Variants in TRPV3 observed in about 807,000 individuals in gnomAD.
TRPV3 encodes VRL-3.
In TRPV3, 88 loss-of-function variants were observed where a neutral mutation model predicts 87.1. The ratio of observed to expected loss-of-function variants is 1.01; its 90% confidence interval spans 0.85 to 1.21. The LOEUF (loss-of-function observed/expected upper bound fraction) is 1.21, where lower values mean the gene tolerates loss of function less well. Ranked by LOEUF, TRPV3 falls within the 50% of genes most tolerant of loss-of-function variation. The pLI is 0.00. For synonymous variants in TRPV3, 438 were observed against 423.3 expected (o/e 1.03, Z -0.43); for missense variants, 1,054 against 1,030.1 (o/e 1.02, Z -0.32).
intron 13 of TRPV3, 128 bp from the exon 14 acceptor site, chr17:3,521,167 C>T: frequency 2.1e-6 from 1 of 469,708 alleles, no homozygotes; most frequent in Non-Finnish European, 4.0e-6. Flanking sequence ...ACTCTCCCTT[C>T]CCCCAGCCAA....
At chr17:3,544,871 A>G (rs1032663887) in intron 3 of TRPV3, among the ~76,000 whole-genome samples, 9 of 152,060 alleles carry the variant, frequency 5.9e-5, no homozygotes, top group Non-Finnish European at 7.4e-5. Context: ...ACAACTAGCC[A>G]GGCGTGGTGG....
intron 12 of TRPV3, among the ~76,000 whole-genome samples, chr17:3,525,475 G>A (rs772730283): frequency 6.6e-6 from 1 of 152,080 alleles, no homozygotes; most frequent in Non-Finnish European, 1.5e-5. Context: ...GTTGTTTAAG[G>A]GGTATGGAGT....
rs1024079656 is a variant in TRPV3, at chr17:3,511,119, G to A, written c.*2798C>T. 1 of 152,272 alleles carries A rather than the reference G, an allele frequency of 6.6e-6. No individual in the cohort carries two copies. The highest frequency in any genetic ancestry group is 1.5e-5 in the Non-Finnish European group (1 of 68,110). The allele number at this position is 152,272 out of a possible 1,614,324, so 9.4% of individuals were successfully genotyped here. A position where few individuals can be genotyped will look rare whatever the true frequency, so the allele number is the denominator to read the frequency against. ...TGAAATGTCAATCACGGAGTTTTAG[G>A]ATGTCCTGATAGACCCACGGGTTCA... is the stretch of plus-strand genomic sequence containing the variant. On this transcript the variant is annotated 3_prime_UTR_variant, in exon 18 of 18. Transcript: ENST00000576742.
intron 2 of TRPV3, among the ~76,000 whole-genome samples, chr17:3,548,935 C>T (rs900022563): frequency 2.0e-5 from 3 of 152,148 alleles, no homozygotes; most frequent in Non-Finnish European, 4.4e-5. Context: ...CTGGGATCGT[C>T]CTCTTATGGA....
intron 2 of TRPV3, among the ~76,000 whole-genome samples, chr17:3,546,314 T>C (rs1451787586): frequency 6.6e-6 from 1 of 151,504 alleles, no homozygotes; most frequent in Non-Finnish European, 1.5e-5. Flanking sequence ...TCGTGGTGCA[T>C]GCCTGTAGTC....
chr17:3,536,867 G>A (rs538498759), intron 6 of TRPV3, among the ~76,000 whole-genome samples: 3 of 152,296 alleles, frequency 2.0e-5, no homozygotes, highest in Admixed American at 6.5e-5. Flanking sequence ...GGGACCAGAA[G>A]GCTGGAGTGG....
intron 2 of TRPV3, chr17:3,552,395 C>T (rs11078459): frequency 0.19 from 28,883 of 150,992 alleles, 3,491 homozygotes; most frequent in East Asian, 0.45. Context: ...GATTTCACCA[C>T]GTTGGCCAGG....
At chr17:3,538,932 T>A (rs1471855254) in intron 6 of TRPV3, among the ~76,000 whole-genome samples, 2 of 152,176 alleles carry the variant, frequency 1.3e-5, no homozygotes, top group African/African-American at 4.8e-5. Flanking sequence ...GATATTCCAA[T>A]TCAAAATATT....
intron 9 of TRPV3, 93 bp from the exon 10 acceptor site, chr17:3,529,088 C>A: frequency 1.4e-6 from 2 of 1,393,194 alleles, no homozygotes; most frequent in South Asian, 1.2e-5. Context: ...GTCAGTGCTG[C>A]AGAAGGGGCC....
intron 6 of TRPV3, 94 bp from the exon 7 acceptor site, chr17:3,535,807 C>T (rs546307020): frequency 4.4e-5 from 59 of 1,337,374 alleles, no homozygotes; most frequent in Non-Finnish European, 5.6e-5. Context: ...CCCGAACCCA[C>T]GGGGAGATCA....
rs140356567 is a variant in TRPV3, at chr17:3,522,031, G to A, written c.1744-992C>T. 6.4e-3 allele frequency among the ~76,000 whole-genome samples: 981 copies of A among 152,184 alleles called. 12 individuals are homozygous for A. The highest frequency in any genetic ancestry group is 0.022 in the African/African-American group (918 of 41,516). On this transcript the variant is annotated intron_variant, in intron 13 of 17. Coordinates refer to ENST00000576742, the MANE Select transcript of TRPV3 (RefSeq NM_145068.4). ...GAAGGGGTTGCAGTGAGCCTAGATC[G>A]CACCACTGCACTCCAGCCTGGGGGG...
In TRPV3 at chr17:3,556,410, G is replaced by T. The variant is rs1478293537; in HGVS notation, c.-3+1266C>A. On this transcript the variant is annotated intron_variant, in intron 1 of 17. Coordinates refer to ENST00000576742, the MANE Select transcript of TRPV3 (RefSeq NM_145068.4). The surrounding 1 kb of genome is among the most constrained non-coding windows in gnomAD (Gnocchi z 4.2). ...GGCCACAGAGGGATGACATGGGCGG[G>T]GAAAGGGCTGTGTGGACAGGTGGTG... is the stretch of plus-strand genomic sequence containing the variant. Among the ~76,000 whole-genome samples, 1 of 151,944 alleles carries T rather than the reference G, an allele frequency of 6.6e-6. No homozygotes were observed. The highest frequency in any genetic ancestry group is 1.5e-5 in the Non-Finnish European group (1 of 67,984).
At chr17:3,526,612 T>A (rs1343368896) in intron 12 of TRPV3, among the ~76,000 whole-genome samples, 1 of 151,772 alleles carries the variant, frequency 6.6e-6, no homozygotes, top group Non-Finnish European at 1.5e-5. Flanking sequence ...CCTCCCAGAG[T>A]GCTGGAATTA....
intron 7 of TRPV3, among the ~76,000 whole-genome samples, chr17:3,534,885 C>T (rs974425791): frequency 2.0e-5 from 3 of 152,134 alleles, no homozygotes; most frequent in African/African-American, 7.2e-5. Flanking sequence ...GCTGCCTCCT[C>T]AGCCTCCCTC....
At chr17:3,546,670 CA>C (rs1328173756) in intron 2 of TRPV3, 6 of 455,788 alleles carry the variant, frequency 1.3e-5, no homozygotes, top group Non-Finnish European at 2.2e-5. Context: ...AGATAGGTAG[CA>C]AAGTCCAGAT....
intron 17 of TRPV3, 184 bp downstream of exon 17, chr17:3,514,409 C>T (rs1215097867): frequency 1.3e-5 from 8 of 603,272 alleles, no homozygotes; most frequent in Middle Eastern, 4.4e-4. Context: ...CTTAGGGCTA[C>T]GCCATTTTAA....
Position 3,518,114 on chromosome 17 carries a change from C to G in TRPV3, c.2085+462G>C, listed in dbSNP as rs956052387. On this transcript the variant is annotated intron_variant, in intron 15 of 17. Coordinates refer to ENST00000576742, the MANE Select transcript of TRPV3 (RefSeq NM_145068.4). The surrounding 1 kb of genome is among the most constrained non-coding windows in gnomAD (Gnocchi z 4.3). The stretch of plus-strand genomic sequence containing the variant: ...GATTACAGGGGTGAGCCACCATGCC[C>G]GGCCGCCAACCACCATTTCTTAAGA... Among the ~76,000 whole-genome samples, 1 of 152,046 alleles carries G rather than the reference C, an allele frequency of 6.6e-6. No individual in the cohort carries two copies. The highest frequency in any genetic ancestry group is 1.5e-5 in the Non-Finnish European group (1 of 68,004).
chr17:3,536,721 GA>G (rs2074412683), intron 6 of TRPV3, among the ~76,000 whole-genome samples: 1 of 152,218 alleles, frequency 6.6e-6, no homozygotes, highest in African/African-American at 2.4e-5. Flanking sequence ...CGGCTGGGAA[GA>G]AGGGTGTCTC....
rs184240633 is a variant in TRPV3, at chr17:3,543,984, C to T, written c.312-356G>A. On this transcript the variant is annotated intron_variant, in intron 4 of 17. Transcript: ENST00000576742. ...CACTCCAGATAAGCAACCATGGTAACGCGTTGATGTCTCCTTTTGTTTCTT... is the reference window on the plus strand; with the variant it reads ...CACTCCAGATAAGCAACCATGGTAATGCGTTGATGTCTCCTTTTGTTTCTT... 1.7e-4 allele frequency among the ~76,000 whole-genome samples: 26 copies of T among 152,132 alleles called. 1 individual carries two copies. The East Asian group carries it at 2.9e-3, about 17-fold the overall frequency.
Sources: allele counts gnomAD v4.1 joint callset (sites outside exome capture counted in the v4.1 genomes callset), GRCh38; gene constraint gnomAD v4.1.1; non-coding constraint Gnocchi (gnomAD v3.1); transcripts MANE v1.5; gene names NCBI Gene and HGNC (gene_info 2026-07-23, HGNC 2026-07-21).